PRXL2A: variants seen among roughly 807,000 people sequenced by gnomAD.
PRXL2A encodes peroxiredoxin like 2A.
In PRXL2A, 26 loss-of-function variants were observed where a neutral mutation model predicts 25.6. The ratio of observed to expected loss-of-function variants is 1.02; its 90% CI spans 0.74 to 1.41. The LOEUF is 1.41. Ranked by LOEUF, PRXL2A falls within the 40% of genes most tolerant of loss-of-function variation. The pLI is 0.00. For missense variants in PRXL2A, 246 were observed against 273.9 expected (o/e 0.90, Z 0.72); for synonymous variants, 98 against 102.9 (o/e 0.95, Z 0.29).
chr10:80,432,170 C>T lies in PRXL2A; in HGVS notation c.*71C>T, dbSNP rs1179995778. ...GTGTTCATGGGATGTATTGTTTCCA[C>T]TCGTGTCCCTAAGGAGTGAGAAACC... On this transcript the variant is annotated 3_prime_UTR_variant, in exon 6 of 6. Coordinates refer to ENST00000606162, the MANE Select transcript of PRXL2A (RefSeq NM_032333.5). The T allele has an allele frequency of 1.5e-5, 13 of 883,630 alleles. No homozygotes were observed. The highest frequency in any genetic ancestry group is 1.8e-5 in the Non-Finnish European group (10 of 544,692). The allele number at this position is 883,630 out of a possible 1,614,324, so 54.7% of individuals were successfully genotyped here.
intron 1 of PRXL2A, among the ~76,000 whole-genome samples, chr10:80,418,350 C>CT (rs1403775483): frequency 5.3e-5 from 8 of 152,182 alleles, no homozygotes; most frequent in Admixed American, 2.6e-4. Context: ...TGATTTCGTT[C>CT]TTTTTTTATG....
rs776423518 is a variant in PRXL2A, at chr10:80,433,863, G to C, written c.*1764G>C. On this transcript the variant is annotated 3_prime_UTR_variant, in exon 6 of 6. Coordinates refer to ENST00000606162, the MANE Select transcript of PRXL2A (RefSeq NM_032333.5). ...AGAAGAACCTGAGGTCAGGTGTGGT[G>C]GCTCACGCCTGTAATCCTAGCACTT... The C allele has an allele frequency of 6.6e-6, 1 of 152,234 alleles. No individual in the cohort carries two copies. The highest frequency in any genetic ancestry group is 2.4e-5 in the African/African-American group (1 of 41,436). 9.4% of individuals were successfully genotyped at this position (152,234 alleles called of 1,614,324 possible).
At chr10:80,420,204 G>A (rs938565997) in intron 1 of PRXL2A, 2 of 1,120,680 alleles carry the variant, frequency 1.8e-6, no homozygotes, top group Admixed American at 4.9e-5. Context: ...AACCATTTGA[G>A]AAGGCTGTCC....
intron 5 of PRXL2A, among the ~76,000 whole-genome samples, chr10:80,428,539 C>T (rs1056603530): frequency 9.2e-5 from 14 of 152,136 alleles, no homozygotes; most frequent in Admixed American, 4.6e-4. Context: ...TGTAGTGGTG[C>T]GCACCCATAG....
intron 1 of PRXL2A, among the ~76,000 whole-genome samples, chr10:80,410,598 G>A (rs1037702509): frequency 3.3e-5 from 5 of 152,256 alleles, no homozygotes; most frequent in South Asian, 2.1e-4. Flanking sequence ...GTGCGTTACC[G>A]CATTAAAAAT....
chr10:80,421,037 T>C (rs1289242035), intron 2 of PRXL2A, among the ~76,000 whole-genome samples: 1 of 152,206 alleles, frequency 6.6e-6, no homozygotes, highest in Non-Finnish European at 1.5e-5. Context: ...ATTCCAGGCT[T>C]GTGGGATCGT....
At position 80,427,472 on chromosome 10, in the gene PRXL2A, T is replaced by G. The variant is rs1167054635; in HGVS notation, c.552T>G (p.Val184=). The change falls in exon 5 of 6, where the codon GTT becomes GTG. Residue 184 remains valine, a synonymous_variant. Transcript: ENST00000606162. ...GAGAAGGCTTCATCCTTGGGGGAGTTTTCGTGGTGGGATCAGGAAAGCAGG... is the reference window on the plus strand; with the variant it reads ...GAGAAGGCTTCATCCTTGGGGGAGTGTTCGTGGTGGGATCAGGAAAGCAGG... ...LEGEGFILGG[V]FVVGSGKQGI... is the part of the protein sequence containing the mutation. The G allele has an allele frequency of 4.3e-6, 7 of 1,613,978 alleles. No individual in the cohort carries two copies. The highest frequency in any genetic ancestry group is 5.1e-6 in the Non-Finnish European group (6 of 1,179,980).
rs552308229 is a variant in PRXL2A, at chr10:80,431,414, C to G, written c.577-572C>G. 2.0e-5 allele frequency among the ~76,000 whole-genome samples: 3 copies of G among 152,020 alleles called. No homozygotes were observed. The East Asian group carries it at 5.8e-4, about 29-fold the overall frequency. ...AACAAGGATTCCTTGATGCTGATCT[C>G]AAACATGTTATTTTGTCTTTTTTTT... On this transcript the variant is annotated intron_variant, in intron 5 of 5. Coordinates refer to ENST00000606162, the MANE Select transcript of PRXL2A (RefSeq NM_032333.5).
At chr10:80,410,709 G>A (rs1844452679) in intron 1 of PRXL2A, among the ~76,000 whole-genome samples, 1 of 152,258 alleles carries the variant, frequency 6.6e-6, no homozygotes, top group Admixed American at 6.5e-5. Context: ...GAGTCAAAGA[G>A]AGAAAACCCA....
intron 5 of PRXL2A, among the ~76,000 whole-genome samples, chr10:80,428,472 T>C (rs761283127): frequency 1.3e-5 from 2 of 152,222 alleles, no homozygotes; most frequent in Non-Finnish European, 2.9e-5. Context: ...CAGACCAGAC[T>C]GGCCAACATG....
chr10:80,413,827 C>T (rs1340915415), intron 1 of PRXL2A: 2 of 1,181,436 alleles, frequency 1.7e-6, no homozygotes, highest in African/African-American at 1.6e-5. Context: ...CTGCTCACCC[C>T]TGGATATACT....
intron 1 of PRXL2A, among the ~76,000 whole-genome samples, chr10:80,415,704 A>G (rs1844635655): frequency 6.6e-6 from 1 of 152,210 alleles, no homozygotes; most frequent in Non-Finnish European, 1.5e-5. Flanking sequence ...ATCGCCATTT[A>G]TTGAACAGGT....
At chr10:80,409,015 A>T (rs1844366626) in intron 1 of PRXL2A, 1 of 984,620 alleles carries the variant, frequency 1.0e-6, no homozygotes, top group Non-Finnish European at 1.2e-6. Flanking sequence ...AACAGAGGAG[A>T]GGGCCCTGCC....
intron 1 of PRXL2A, among the ~76,000 whole-genome samples, chr10:80,410,606 A>C (rs1362659981): frequency 6.6e-6 from 1 of 152,268 alleles, no homozygotes; most frequent in Non-Finnish European, 1.5e-5. Flanking sequence ...CCGCATTAAA[A>C]ATTGCTCTTC....
At chr10:80,425,038 A>G (rs1247132850) in intron 3 of PRXL2A, among the ~76,000 whole-genome samples, 1 of 152,248 alleles carries the variant, frequency 6.6e-6, no homozygotes, top group Non-Finnish European at 1.5e-5. Context: ...TAGAAAATAA[A>G]TGAAAAATTA....
intron 1 of PRXL2A, among the ~76,000 whole-genome samples, chr10:80,409,402 A>T (rs558497171): frequency 1.3e-5 from 2 of 152,316 alleles, no homozygotes; most frequent in East Asian, 3.9e-4. Flanking sequence ...CCGGGAGTCC[A>T]CTGCCGGACC....
At position 80,434,215 on chromosome 10, in the gene PRXL2A, A is replaced by T. The variant is rs564830890; in HGVS notation, c.*2116A>T. The stretch of plus-strand genomic sequence containing the variant: ...TTTGGTTTTTTGTGAGCTCTCACCA[A>T]CTTTTTTCCCCTGGGTCCTCACGTG... On this transcript the variant is annotated 3_prime_UTR_variant, in exon 6 of 6. Coordinates refer to ENST00000606162, the MANE Select transcript of PRXL2A (RefSeq NM_032333.5). 5.3e-5 allele frequency: 8 copies of T among 152,136 alleles called. No homozygotes were observed. The East Asian group carries it at 1.4e-3, about 26-fold the overall frequency. The allele number at this position is 152,136 out of a possible 1,614,324, so 9.4% of individuals were successfully genotyped here.
chr10:80,416,610 T>A (rs1460333593), intron 1 of PRXL2A, among the ~76,000 whole-genome samples: 2 of 152,124 alleles, frequency 1.3e-5, no homozygotes, highest in Non-Finnish European at 2.9e-5. Flanking sequence ...TAGAGATGTG[T>A]GCACGTCTGT....
At chr10:80,412,525 C>A (rs924468302) in intron 1 of PRXL2A, among the ~76,000 whole-genome samples, 1 of 152,176 alleles carries the variant, frequency 6.6e-6, no homozygotes, top group African/African-American at 2.4e-5. Context: ...ATTGTGCCAA[C>A]ATATTGTGGA....
Sources: gnomAD v4.1 joint callset for allele counts (sites outside exome capture counted in the v4.1 genomes callset) on GRCh38, gnomAD v4.1.1 for gene constraint, MANE v1.5 for transcripts, NCBI Gene and HGNC (gene_info 2026-07-23, HGNC 2026-07-21) for gene names.